The following CLVS2 variants were observed in gnomAD, a reference collection of about 807,000 sequenced individuals.
CLVS2 encodes clavesin 2.
Under a neutral mutation model 29.0 loss-of-function variants are expected in CLVS2, and 19 were observed. That is an observed-to-expected ratio of 0.66 (90% CI 0.46 to 0.96). The LOEUF (loss-of-function observed/expected upper bound fraction) is 0.96, where lower values mean the gene tolerates loss of function less well. Ranked by LOEUF, CLVS2 falls within the 40% of genes least tolerant of loss-of-function variation. The pLI is 0.00. For synonymous variants in CLVS2, 161 were observed against 151.3 expected, an observed-to-expected ratio of 1.06 and a Z score of -0.47; for missense variants, 294 against 404.1, an observed-to-expected ratio of 0.73 and a Z score of 2.34.
At chr6:123,015,137 T>C (rs946765750) in intron 3 of CLVS2, among the ~76,000 whole-genome samples, 1 of 151,962 alleles carries the variant, frequency 6.6e-6, no homozygotes, top group Non-Finnish European at 1.5e-5. Context: ...AAACACAGGA[T>C]GAATCTGTAT....
Position 123,063,998 on chromosome 6 carries a change from C to G in CLVS2, c.*237C>G, listed in dbSNP as rs1772816492. ...AAGTTGTTTGTAAATATAATGTAAT[C>G]TTCATGTCAAGTTTGTAAATTTCAG... On this transcript the variant is annotated 3_prime_UTR_variant, in exon 6 of 6. Coordinates refer to ENST00000275162, the MANE Select transcript of CLVS2 (RefSeq NM_001010852.4). 2.9e-6 allele frequency: 1 copy of G among 348,568 alleles called. No individual in the cohort carries two copies. Among genetic ancestry groups the G allele is most frequent in the East Asian group, 4.9e-5 (1 of 20,356 alleles). 21.6% of individuals were successfully genotyped at this position (348,568 alleles called of 1,614,324 possible). A position where few individuals can be genotyped will look rare whatever the true frequency, so the allele number is the denominator to read the frequency against.
chr6:123,062,199 C>A (rs560898897), intron 5 of CLVS2, among the ~76,000 whole-genome samples: 8 of 152,186 alleles, frequency 5.3e-5, no homozygotes, highest in Admixed American at 5.2e-4. Flanking sequence ...ATCTGAGAGC[C>A]AATTTGCTTG....
chr6:123,061,736 A>G (rs1772781488), intron 5 of CLVS2, among the ~76,000 whole-genome samples: 1 of 152,204 alleles, frequency 6.6e-6, no homozygotes, highest in African/African-American at 2.4e-5. Flanking sequence ...CAGACTTAGA[A>G]TGTGTATATG....
intron 3 of CLVS2, among the ~76,000 whole-genome samples, chr6:123,015,922 T>C (rs1203503717): frequency 2.6e-5 from 4 of 151,894 alleles, no homozygotes; most frequent in Non-Finnish European, 5.9e-5. Flanking sequence ...TTATATGCTT[T>C]CTCTGTGCAA....
chr6:123,053,849 C>G (rs909911251), intron 4 of CLVS2, among the ~76,000 whole-genome samples: 1 of 151,960 alleles, frequency 6.6e-6, no homozygotes, highest in African/African-American at 2.4e-5. Context: ...GAAATACAAC[C>G]GAGTAGGGGA....
chr6:123,060,508 G>C (rs1054217359), intron 5 of CLVS2, among the ~76,000 whole-genome samples: 1 of 152,152 alleles, frequency 6.6e-6, no homozygotes, highest in African/African-American at 2.4e-5. Flanking sequence ...CTCTATGTAT[G>C]TTGATTCATT....
intron 3 of CLVS2, among the ~76,000 whole-genome samples, chr6:123,041,817 A>G (rs552601047): frequency 1.3e-5 from 2 of 152,326 alleles, no homozygotes; most frequent in African/African-American, 4.8e-5. Flanking sequence ...ACTATAAAGT[A>G]TCTAGATGTG....
intron 4 of CLVS2, among the ~76,000 whole-genome samples, chr6:123,054,276 G>A (rs1198194028): frequency 1.3e-5 from 2 of 152,254 alleles, no homozygotes; most frequent in Non-Finnish European, 2.9e-5. Flanking sequence ...AGAACACAGG[G>A]GTGCACATGT....
intron 4 of CLVS2, among the ~76,000 whole-genome samples, chr6:123,050,027 T>A (rs1213602551): frequency 3.3e-5 from 5 of 152,192 alleles, no homozygotes; most frequent in African/African-American, 9.6e-5. Context: ...TTTGCGCTCC[T>A]GAAAATACAA....
chr6:123,007,393 T>C (rs1314818858), intron 2 of CLVS2, among the ~76,000 whole-genome samples: 6 of 152,182 alleles, frequency 3.9e-5, no homozygotes, highest in Non-Finnish European at 8.8e-5. Flanking sequence ...AGGATCCCCA[T>C]TTTATTTTGT....
At chr6:123,060,368 C>T (rs1772757800) in intron 5 of CLVS2, among the ~76,000 whole-genome samples, 1 of 152,154 alleles carries the variant, frequency 6.6e-6, no homozygotes, top group Non-Finnish European at 1.5e-5. Context: ...GTGCCTGGCA[C>T]ATAACAGTAG....
chr6:123,070,542 T>C lies in CLVS2; in HGVS notation c.*6781T>C, dbSNP rs1772927198. The C allele has an allele frequency of 6.6e-6, 1 of 151,930 alleles. No homozygotes were observed. Among genetic ancestry groups the C allele is most frequent in the Non-Finnish European group, 1.5e-5 (1 of 67,914 alleles). 9.4% of individuals were successfully genotyped at this position (151,930 alleles called of 1,614,324 possible). A position where few individuals can be genotyped will look rare whatever the true frequency, so the allele number is the denominator to read the frequency against. Reference sequence around the variant, plus strand: ...ATTAGCAAGAGTGAGTCTCTTAAAATGTAACTCAGACCATTTTGTTCTCCA... The same window carrying C: ...ATTAGCAAGAGTGAGTCTCTTAAAACGTAACTCAGACCATTTTGTTCTCCA... On this transcript the variant is annotated 3_prime_UTR_variant, in exon 6 of 6. Transcript: ENST00000275162.
chr6:123,070,393 CCA>C lies in CLVS2; in HGVS notation c.*6636_*6637del, dbSNP rs1481904909. 29 of 151,992 alleles carry C rather than the reference CCA, an allele frequency of 1.9e-4. No homozygotes were observed. Among genetic ancestry groups the C allele is most frequent in the African/African-American group, 7.0e-4 (29 of 41,492 alleles). 9.4% of individuals were successfully genotyped at this position (151,992 alleles called of 1,614,324 possible). A position where few individuals can be genotyped will look rare whatever the true frequency, so the allele number is the denominator to read the frequency against. ...ATGCTGTTGGGTCTTCAAAATATAT[CCA>C]CACTCTAACCACTTCTCCAATCTTC... On this transcript the variant is annotated 3_prime_UTR_variant, in exon 6 of 6. Coordinates refer to ENST00000275162, the MANE Select transcript of CLVS2 (RefSeq NM_001010852.4).
At position 122,998,057 on chromosome 6, in the gene CLVS2, C is replaced by T. The variant is rs1320926130; in HGVS notation, c.280C>T (p.Pro94Ser). ...GTTCAAAAGCTTTAAGGCCACCGAC[C>T]CTGGCATCAAGCAGGCACTGAAGGA... ...DMFKSFKATD[P>S]GIKQALKDGF... The change falls in exon 2 of 6, where the codon CCT becomes TCT. Residue 94 changes from proline to serine, a missense_variant. By Grantham distance (74) the Pro-to-Ser change is moderately conservative. This residue lies in a region of CLVS2 where 212 missense variants were observed against 336.4 expected (regional missense o/e 0.63). Coordinates refer to ENST00000275162, the MANE Select transcript of CLVS2 (RefSeq NM_001010852.4). 1 of 1,614,188 alleles carries T rather than the reference C, an allele frequency of 6.2e-7. No homozygotes were observed. Among genetic ancestry groups the T allele is most frequent in the South Asian group, 1.1e-5 (1 of 91,086 alleles).
At chr6:123,063,262 G>A (rs1204653371) in intron 5 of CLVS2, among the ~76,000 whole-genome samples, 1 of 151,802 alleles carries the variant, frequency 6.6e-6, no homozygotes, top group African/African-American at 2.4e-5. Flanking sequence ...CTGGAATTAA[G>A]CCTCCTGTTA....
intron 3 of CLVS2, among the ~76,000 whole-genome samples, chr6:123,025,405 A>G (rs886228178): frequency 6.6e-6 from 1 of 152,182 alleles, no homozygotes; most frequent in Non-Finnish European, 1.5e-5. Context: ...AAGTGCTTTG[A>G]GACCAGCAGC....
chr6:123,045,981 C>G (rs201778405), intron 3 of CLVS2, among the ~76,000 whole-genome samples: 1 of 151,260 alleles, frequency 6.6e-6, no homozygotes, highest in African/African-American at 2.4e-5. Context: ...GAACAGTTAA[C>G]AAGCCGTAAA....
intron 2 of CLVS2, among the ~76,000 whole-genome samples, chr6:123,006,650 T>C (rs1774673301): frequency 6.6e-6 from 1 of 152,188 alleles, no homozygotes; most frequent in Admixed American, 6.5e-5. Flanking sequence ...CATTAATTGA[T>C]TAATGTACGC....
At chr6:122,998,521 A>C (rs746581852) in intron 2 of CLVS2, among the ~76,000 whole-genome samples, 1 of 152,172 alleles carries the variant, frequency 6.6e-6, no homozygotes, top group Non-Finnish European at 1.5e-5. Context: ...GAAAATGGGG[A>C]CAACTTTTCC....
Sources: gnomAD v4.1 joint callset for allele counts (sites outside exome capture counted in the v4.1 genomes callset) on GRCh38, gnomAD v4.1.1 for gene constraint, gnomAD v4.1.1 regional missense constraint, MANE v1.5 for transcripts, NCBI Gene and HGNC (gene_info 2026-07-23, HGNC 2026-07-21) for gene names.